Variants in PRKG1 observed in about 807,000 individuals in gnomAD.
The protein encoded by PRKG1 is protein kinase cGMP-dependent 1.
In PRKG1, 35 loss-of-function variants were observed where a neutral mutation model predicts 88.1. That is an observed-to-expected ratio of 0.40 (90% CI 0.30 to 0.53). The LOEUF (loss-of-function observed/expected upper bound fraction) is 0.53, where lower values mean the gene tolerates loss of function less well. Ranked by LOEUF, PRKG1 falls within the 20% of genes least tolerant of loss-of-function variation. PRKG1 has a pLI of 0.59. For missense variants in PRKG1, 540 were observed against 839.8 expected (o/e 0.64, Z 4.41); for synonymous variants, 303 against 292.5 (o/e 1.04, Z -0.37).
At chr10:51,200,832 A>C (rs1452811215) in intron 2 of PRKG1, among the ~76,000 whole-genome samples, 2 of 152,226 alleles carry the variant, frequency 1.3e-5, no homozygotes, top group East Asian at 1.9e-4. Context: ...TATGCTGCCT[A>C]CTGAAATATC....
At chr10:51,372,687 A>G (rs573914116) in intron 2 of PRKG1, among the ~76,000 whole-genome samples, 3 of 152,006 alleles carry the variant, frequency 2.0e-5, no homozygotes, top group Middle Eastern at 3.4e-3. Flanking sequence ...ACAAATGGAA[A>G]TAGATTTTGT....
At chr10:51,458,543 T>C (rs1432819444) in intron 2 of PRKG1, among the ~76,000 whole-genome samples, 1 of 152,120 alleles carries the variant, frequency 6.6e-6, no homozygotes, top group African/African-American at 2.4e-5. Flanking sequence ...TTCACATAAA[T>C]TTTATATATT....
intron 9 of PRKG1, among the ~76,000 whole-genome samples, chr10:52,164,352 A>G (rs1838370993): frequency 1.5e-5 from 2 of 131,096 alleles, no homozygotes. Context: ...ACTCTGTCTC[A>G]AAAATAAGTA....
intron 2 of PRKG1, among the ~76,000 whole-genome samples, chr10:51,355,290 C>T (rs1842339797): frequency 6.6e-6 from 1 of 151,984 alleles, no homozygotes; most frequent in African/African-American, 2.4e-5. Context: ...TGACAACACC[C>T]TGGAAATGTT....
intron 3 of PRKG1, among the ~76,000 whole-genome samples, chr10:51,759,688 A>G (rs1285472353): frequency 1.3e-5 from 2 of 152,188 alleles, no homozygotes; most frequent in Non-Finnish European, 2.9e-5. Context: ...GCTGAGAGCA[A>G]CCATAGTCAC....
intron 1 of PRKG1, among the ~76,000 whole-genome samples, chr10:51,088,610 G>A (rs1307837170): frequency 6.6e-6 from 1 of 152,032 alleles, no homozygotes; most frequent in East Asian, 1.9e-4. Context: ...CCATTTCTCA[G>A]TGTTTGGGTT....
At chr10:51,160,032 G>A (rs1366613188) in intron 2 of PRKG1, among the ~76,000 whole-genome samples, 1 of 152,122 alleles carries the variant, frequency 6.6e-6, no homozygotes, top group Non-Finnish European at 1.5e-5. Flanking sequence ...GAAAGTTTGT[G>A]TGGGTTGAGG....
intron 7 of PRKG1, among the ~76,000 whole-genome samples, chr10:52,081,231 C>G (rs1442586233): frequency 6.6e-6 from 1 of 152,132 alleles, no homozygotes; most frequent in Non-Finnish European, 1.5e-5. Context: ...TACTGGGGAT[C>G]AGGCAAAGAC....
At chr10:51,656,410 A>C (rs994327465) in intron 3 of PRKG1, among the ~76,000 whole-genome samples, 1 of 152,098 alleles carries the variant, frequency 6.6e-6, no homozygotes, top group South Asian at 2.1e-4. Flanking sequence ...CATTCATTCA[A>C]AAAACTTTGT....
At chr10:51,875,984 G>A (rs559670589) in intron 4 of PRKG1, among the ~76,000 whole-genome samples, 47 of 148,248 alleles carry the variant, frequency 3.2e-4, no homozygotes, top group African/African-American at 8.0e-4. Flanking sequence ...AGCACATGCC[G>A]TCAATGACAC....
chr10:51,357,279 G>A (rs1222026073), intron 2 of PRKG1, among the ~76,000 whole-genome samples: 1 of 151,932 alleles, frequency 6.6e-6, no homozygotes, highest in East Asian at 1.9e-4. Context: ...TGGATTAAAG[G>A]AAATCTGTTA....
chr10:51,163,578 G>A (rs554211274), intron 2 of PRKG1, among the ~76,000 whole-genome samples: 5 of 152,320 alleles, frequency 3.3e-5, no homozygotes, highest in South Asian at 2.1e-4. Flanking sequence ...TGTGCGAGCC[G>A]AAGCAGGGCG....
At chr10:51,510,909 AT>A (rs113951308) in intron 3 of PRKG1, among the ~76,000 whole-genome samples, 481 of 135,284 alleles carry the variant, frequency 3.6e-3, no homozygotes, top group African/African-American at 4.1e-3. Flanking sequence ...ACACCAGCTT[AT>A]TTTTTTTTTT....
chr10:51,126,939 T>TA (rs1243213836), intron 1 of PRKG1, among the ~76,000 whole-genome samples: 1 of 152,156 alleles, frequency 6.6e-6, no homozygotes, highest in Non-Finnish European at 1.5e-5. Flanking sequence ...ACCCTTTCCT[T>TA]ACACCTTGCA....
intron 3 of PRKG1, among the ~76,000 whole-genome samples, chr10:51,727,486 A>G (rs979795530): frequency 3.3e-5 from 5 of 152,126 alleles, no homozygotes; most frequent in African/African-American, 9.7e-5. Flanking sequence ...GATTCTATTG[A>G]AATTAATGTT....
chr10:51,833,799 C>T (rs1840061790), intron 4 of PRKG1, among the ~76,000 whole-genome samples: 1 of 152,166 alleles, frequency 6.6e-6, no homozygotes, highest in Non-Finnish European at 1.5e-5. Flanking sequence ...ACTGATTCCT[C>T]CTATCTAACT....
chr10:51,821,568 C>A (rs145303996), intron 4 of PRKG1, among the ~76,000 whole-genome samples: 148 of 152,102 alleles, frequency 9.7e-4, no homozygotes, highest in African/African-American at 3.5e-3. Flanking sequence ...ACCACATAGT[C>A]TGCAAATATT....
At chr10:51,816,111 T>C (rs988336636) in intron 4 of PRKG1, among the ~76,000 whole-genome samples, 1 of 152,246 alleles carries the variant, frequency 6.6e-6, no homozygotes, top group Non-Finnish European at 1.5e-5. Flanking sequence ...ATGATTTTAC[T>C]AAGGCATTTC....
intron 1 of PRKG1, among the ~76,000 whole-genome samples, chr10:51,145,078 G>A (rs1468623774): frequency 2.6e-5 from 4 of 152,136 alleles, no homozygotes; most frequent in Admixed American, 6.5e-5. Flanking sequence ...TGAAAATCAA[G>A]TCATTGCAGT....
Sources: gnomAD v4.1 joint callset for allele counts (sites outside exome capture counted in the v4.1 genomes callset) on GRCh38, gnomAD v4.1.1 for gene constraint, MANE v1.5 for transcripts, NCBI Gene and HGNC (gene_info 2026-07-23, HGNC 2026-07-21) for gene names.